The following IFI27 variants were observed in gnomAD, a reference collection of about 807,000 sequenced individuals.
IFI27 encodes the protein interferon alpha inducible protein 27.
A neutral mutation model predicts 8.9 loss-of-function variants in IFI27; 3 were observed. The ratio of observed to expected loss-of-function variants is 0.34; its 90% CI spans 0.15 to 0.87. The LOEUF (loss-of-function observed/expected upper bound fraction) is 0.87, where lower values mean the gene tolerates loss of function less well. IFI27 is among the 40% of genes least tolerant of loss of function. IFI27 has a pLI of 0.51. For missense variants in IFI27, 152 were observed against 157.7 expected (o/e 0.96, Z 0.19); for synonymous variants, 66 against 67.3 (o/e 0.98, Z 0.09).
upstream of IFI27, among the ~76,000 whole-genome samples, chr14:94,109,099 G>A (rs1887061608): frequency 1.3e-5 from 2 of 152,068 alleles, no homozygotes; most frequent in African/African-American, 4.8e-5. Context: ...TTTGAGACCA[G>A]CCGGGCCAAC....
Position 94,116,473 on chromosome 14 carries a change from C to G in IFI27, c.315C>G (p.Phe105Leu), listed in dbSNP as rs1352332989. 4 of 1,613,370 alleles carry G rather than the reference C, an allele frequency of 2.5e-6. No homozygotes were observed. In the African/African-American group the frequency reaches 5.3e-5, roughly 22 times the overall value. Reference sequence around the variant, plus strand: ...CTGGACTCTCCGGATTGACCAAGTTCATCCTGGGCTCCATTGGGTCTGCCA... The same window carrying G: ...CTGGACTCTCCGGATTGACCAAGTTGATCCTGGGCTCCATTGGGTCTGCCA... The change falls in exon 5 of 5, where the codon TTC becomes TTG. Residue 105 changes from phenylalanine to leucine, a missense_variant. Phe to Leu is a conservative substitution (Grantham distance 22). Coordinates refer to ENST00000621160, the Ensembl canonical transcript of IFI27. This position sits in a 1 kb window ranked among gnomAD's most constrained non-coding sequence, Gnocchi z 4.3.
rs774033106 is a variant in IFI27, at chr14:94,116,115, A to G, written c.283+173A>G. ...ATGGAGGAGGGAGGGAAGGAGCCCA[A>G]GCCAGGAACAGTGCACTCAGGAAGA... On this transcript the variant is annotated intron_variant, in intron 4 of 4. Coordinates refer to ENST00000621160, the Ensembl canonical transcript of IFI27. This position sits in a 1 kb window ranked among gnomAD's most constrained non-coding sequence, Gnocchi z 4.3. 1.2e-6 allele frequency: 1 copy of G among 822,512 alleles called. No homozygotes were observed. The highest frequency in any genetic ancestry group is 2.0e-6 in the Non-Finnish European group (1 of 495,476). 51.0% of individuals were successfully genotyped at this position (822,512 alleles called of 1,614,324 possible). A position where few individuals can be genotyped will look rare whatever the true frequency, so the allele number is the denominator to read the frequency against.
chr14:94,114,099 G>A (rs901004450), intron 2 of IFI27: 4 of 152,394 alleles, frequency 2.6e-5, no homozygotes, highest in African/African-American at 7.2e-5. Flanking sequence ...GAAGAATCTG[G>A]GAAGGCTTCC....
chr14:94,110,431 A>G (rs1349060827), upstream of IFI27, among the ~76,000 whole-genome samples: 2 of 152,190 alleles, frequency 1.3e-5, no homozygotes, highest in African/African-American at 4.8e-5. Context: ...TTAGAAAGTA[A>G]TATTTATCAT....
chr14:94,107,359 C>T (rs1595402584), upstream of IFI27, among the ~76,000 whole-genome samples: 1 of 152,292 alleles, frequency 6.6e-6, no homozygotes, highest in South Asian at 2.1e-4. Flanking sequence ...GCGTGAGCCA[C>T]CACTCCCACT....
At position 94,111,547 on chromosome 14, in the gene IFI27, C is replaced by T. The variant is rs540462230; in HGVS notation, c.-58-78C>T. On this transcript the variant is annotated intron_variant, in intron 1 of 4. Coordinates refer to ENST00000621160, the Ensembl canonical transcript of IFI27. The surrounding 1 kb of genome is among the most constrained non-coding windows in gnomAD (Gnocchi z 4.3). Reference sequence around the variant, plus strand: ...GCAGCCTCCCTAGCCCCCTGGAGCCCGTCACATTTTTCAGGACAGTGGGAA... The same window carrying T: ...GCAGCCTCCCTAGCCCCCTGGAGCCTGTCACATTTTTCAGGACAGTGGGAA... 41 of 704,120 alleles carry T rather than the reference C, an allele frequency of 5.8e-5. No individual in the cohort carries two copies. Among genetic ancestry groups the T allele is most frequent in the African/African-American group, 4.9e-4 (28 of 57,414 alleles). 43.6% of individuals were successfully genotyped at this position (704,120 alleles called of 1,614,324 possible). A position where few individuals can be genotyped will look rare whatever the true frequency, so the allele number is the denominator to read the frequency against.
chr14:94,106,417 A>G (rs1887015711), upstream of IFI27, among the ~76,000 whole-genome samples: 1 of 152,202 alleles, frequency 6.6e-6, no homozygotes, highest in African/African-American at 2.4e-5. Flanking sequence ...CAACTACTCC[A>G]TCTTACGATC....
chr14:94,116,519 T>C lies in IFI27; in HGVS notation c.361T>C (p.Phe121Leu). 17 of 1,612,176 alleles carry C rather than the reference T, an allele frequency of 1.1e-5. No individual in the cohort carries two copies. Among genetic ancestry groups the C allele is most frequent in the Non-Finnish European group, 1.4e-5 (17 of 1,179,064 alleles). ...TGCCATTGCGGCTGTCATTGCGAGG[T>C]TCTACTAGCTCCCTGCCCCTCGCCC... The change falls in exon 5 of 5, where the codon TTC (phenylalanine) becomes CTC (leucine). Residue 121 changes from phenylalanine to leucine, a missense_variant. Coordinates refer to ENST00000621160, the Ensembl canonical transcript of IFI27. The surrounding 1 kb of genome is among the most constrained non-coding windows in gnomAD (Gnocchi z 4.3).
At chr14:94,109,400 GC>G (rs112299978), upstream of IFI27, among the ~76,000 whole-genome samples, 56 of 114,554 alleles carry the variant, frequency 4.9e-4, no homozygotes, top group East Asian at 0.011. Flanking sequence ...AAGGGCAAGG[GC>G]AAGGGAAAGG....
chr14:94,108,288 G>A (rs145059241), upstream of IFI27, among the ~76,000 whole-genome samples: 14,518 of 152,160 alleles, frequency 0.095, 824 homozygotes, highest in Non-Finnish European at 0.12. Context: ...GAATAGTGCC[G>A]CAATAAACAT....
exon 4 of IFI27, chr14:94,115,839 A>T: frequency 6.2e-7 from 1 of 1,602,026 alleles, no homozygotes; most frequent in Non-Finnish European, 8.5e-7. Flanking sequence ...CTGCGGCGGG[A>T]ATCGCCTCGT....
intron 3 of IFI27, among the ~76,000 whole-genome samples, chr14:94,115,112 C>T (rs916362050): frequency 2.0e-5 from 3 of 152,160 alleles, no homozygotes; most frequent in East Asian, 1.9e-4. Context: ...TGGCAGCAGC[C>T]GGCAGAGGCC....
intron 3 of IFI27, 63 bp downstream of exon 3, chr14:94,114,943 A>G: frequency 6.7e-7 from 1 of 1,493,624 alleles, no homozygotes; most frequent in Non-Finnish European, 9.3e-7. Context: ...CTTGGGGAGC[A>G]GCTGGCCTTG....
intron 2 of IFI27, chr14:94,114,614 C>T: frequency 1.8e-6 from 1 of 560,096 alleles, no homozygotes; most frequent in East Asian, 2.8e-5. Flanking sequence ...TCAACTAGGT[C>T]AGGGCCACGT....
chr14:94,111,504 CT>C lies in IFI27; in HGVS notation c.-58-120del. 1.6e-6 allele frequency: 1 copy of C among 611,240 alleles called. No individual in the cohort carries two copies. The highest frequency in any genetic ancestry group is 3.0e-6 in the Non-Finnish European group (1 of 338,692). 37.9% of individuals were successfully genotyped at this position (611,240 alleles called of 1,614,324 possible). ...CACCCCAGGATCCTTTCAAGGCCTG[CT>C]GCTCCACAAGCTCAGAGCAGCCTCC... On this transcript the variant is annotated intron_variant, in intron 1 of 4. Transcript: ENST00000621160. The surrounding 1 kb of genome is among the most constrained non-coding windows in gnomAD (Gnocchi z 4.3).
upstream of IFI27, among the ~76,000 whole-genome samples, chr14:94,110,055 C>T (rs1274374014): frequency 6.6e-6 from 1 of 152,208 alleles, no homozygotes; most frequent in Non-Finnish European, 1.5e-5. Context: ...TGCCTCTCTC[C>T]CCTGCCCACC....
At chr14:94,115,684 C>A in intron 3 of IFI27, 97 bp from the exon 4 acceptor site, 1 of 1,292,872 alleles carries the variant, frequency 7.7e-7, no homozygotes. Context: ...AAGTTCACCT[C>A]TTTCTCCAGA....
At position 94,111,225 on chromosome 14, in the gene IFI27, G is replaced by A. The variant is rs1315012595; in HGVS notation, c.-58-400G>A. On this transcript the variant is annotated intron_variant, in intron 1 of 4. Coordinates refer to ENST00000621160, the Ensembl canonical transcript of IFI27. This position sits in a 1 kb window ranked among gnomAD's most constrained non-coding sequence, Gnocchi z 4.3. ...AGGGTCCCATCTTTTTCACGTTAGT[G>A]AGGAGATTACATAAGAGCAGGCACC... Among the ~76,000 whole-genome samples, 1 of 152,192 alleles carries A rather than the reference G, an allele frequency of 6.6e-6. No individual in the cohort carries two copies. The highest frequency in any genetic ancestry group is 1.9e-4 in the East Asian group (1 of 5,182).
Position 94,116,113 on chromosome 14 carries a change from C to A in IFI27, c.283+171C>A. The A allele has an allele frequency of 1.2e-6, 1 of 844,224 alleles. No individual in the cohort carries two copies. The highest frequency in any genetic ancestry group is 1.9e-6 in the Non-Finnish European group (1 of 515,194). The allele number at this position is 844,224 out of a possible 1,614,324, so 52.3% of individuals were successfully genotyped here. On this transcript the variant is annotated intron_variant, in intron 4 of 4. Transcript: ENST00000621160. The surrounding 1 kb of genome is among the most constrained non-coding windows in gnomAD (Gnocchi z 4.3). ...AGATGGAGGAGGGAGGGAAGGAGCC[C>A]AAGCCAGGAACAGTGCACTCAGGAA...
Sources: gnomAD v4.1 joint callset for allele counts (sites outside exome capture counted in the v4.1 genomes callset) on GRCh38, gnomAD v4.1.1 for gene constraint, Gnocchi (gnomAD v3.1) non-coding constraint, MANE v1.5 for transcripts, NCBI Gene and HGNC (gene_info 2026-07-23, HGNC 2026-07-21) for gene names.